The following GIMD1 variants were observed in gnomAD, a reference collection of about 807,000 sequenced individuals.
GIMD1 encodes the protein GTPase IMAP family member GIMD1.
A neutral mutation model predicts 14.9 loss-of-function variants in GIMD1; 14 were observed. The observed-to-expected ratio is 0.94, with a 90% CI of 0.62 to 1.47. The LOEUF is 1.47. Among genes scored for constraint, GIMD1 ranks in the 40% most tolerant of loss-of-function variants. The pLI is 0.00. For synonymous variants in GIMD1, 91 were observed against 90.5 expected (o/e 1.01, Z -0.03); for missense variants, 272 against 255.3 (o/e 1.07, Z -0.44).
rs1240174487 is a variant in GIMD1, at chr4:106,363,885, G to A, written c.393+3158C>T. Among the ~76,000 whole-genome samples the A allele has an allele frequency of 2.3e-4, 10 of 43,616 alleles. No individual in the cohort carries two copies. In the South Asian group the frequency reaches 2.7e-3, roughly 12 times the overall value. 28.6% of individuals were successfully genotyped at this position (43,616 alleles called of 152,430 possible). A position where few individuals can be genotyped will look rare whatever the true frequency, so the allele number is the denominator to read the frequency against. On this transcript the variant is annotated intron_variant, in intron 2 of 2. Transcript: ENST00000638719. ...AGTAATAATACAGAATACCATAATGGGGGGGGGGGGGCGGAAATGGACCAT... is the reference window on the plus strand; with the variant it reads ...AGTAATAATACAGAATACCATAATGAGGGGGGGGGGGCGGAAATGGACCAT...
chr4:106,362,769 A>G (rs1357787638), intron 2 of GIMD1, among the ~76,000 whole-genome samples: 1 of 152,120 alleles, frequency 6.6e-6, no homozygotes, highest in Non-Finnish European at 1.5e-5. Flanking sequence ...TCTCACCCCA[A>G]TTAAAACATT....
intron 2 of GIMD1, among the ~76,000 whole-genome samples, chr4:106,365,129 AT>A (rs1313530849): frequency 6.6e-6 from 1 of 152,172 alleles, no homozygotes; most frequent in Non-Finnish European, 1.5e-5. Flanking sequence ...CTGTCTAAAG[AT>A]TATACTGGTG....
intron 2 of GIMD1, among the ~76,000 whole-genome samples, chr4:106,364,892 C>T (rs1264935828): frequency 6.6e-6 from 1 of 152,008 alleles, no homozygotes; most frequent in Non-Finnish European, 1.5e-5. Context: ...CATTATTGTC[C>T]CATATGCTAA....
At chr4:106,367,999 C>T (rs1770730222) in intron 1 of GIMD1, among the ~76,000 whole-genome samples, 2 of 152,236 alleles carry the variant, frequency 1.3e-5, no homozygotes, top group Non-Finnish European at 2.9e-5. Context: ...TGCTTCTTTC[C>T]TATGAAATAT....
chr4:106,367,525 A>G (rs1422906626), intron 1 of GIMD1, 88 bp from the exon 2 acceptor site: 8 of 1,264,880 alleles, frequency 6.3e-6, no homozygotes, highest in Non-Finnish European at 8.5e-6. Context: ...TTGCACTCCA[A>G]GTACGATTTT....
At chr4:106,364,266 G>A (rs1025287096) in intron 2 of GIMD1, among the ~76,000 whole-genome samples, 9 of 152,152 alleles carry the variant, frequency 5.9e-5, no homozygotes, top group African/African-American at 2.2e-4. Context: ...TGGGAAAGAA[G>A]AAGCTACTTC....
In GIMD1 at chr4:106,357,490, A is replaced by G. The variant is rs1192455130; in HGVS notation, c.*693T>C. 1 of 152,104 alleles carries G rather than the reference A, an allele frequency of 6.6e-6. No individual in the cohort carries two copies. Among genetic ancestry groups the G allele is most frequent in the Non-Finnish European group, 1.5e-5 (1 of 68,014 alleles). The allele number at this position is 152,104 out of a possible 1,614,324, so 9.4% of individuals were successfully genotyped here. ...AAGTGTTTGTTGTTGCATTTTCACAAAGTGAACAAATCCTGTGAAACCAGG... is the reference window on the plus strand; with the variant it reads ...AAGTGTTTGTTGTTGCATTTTCACAGAGTGAACAAATCCTGTGAAACCAGG... On this transcript the variant is annotated 3_prime_UTR_variant, in exon 3 of 3. Coordinates refer to ENST00000638719, the MANE Select transcript of GIMD1 (RefSeq NM_001195138.2).
chr4:106,363,026 T>A (rs1770637868), intron 2 of GIMD1, among the ~76,000 whole-genome samples: 1 of 152,102 alleles, frequency 6.6e-6, no homozygotes, highest in Admixed American at 6.6e-5. Context: ...ACTAAGCCAG[T>A]GAAGATTTTT....
intron 2 of GIMD1, among the ~76,000 whole-genome samples, chr4:106,362,934 A>G (rs1770636370): frequency 1.3e-5 from 2 of 152,056 alleles, no homozygotes; most frequent in African/African-American, 4.8e-5. Context: ...CCAAAGTCAT[A>G]TGGCTGATTA....
At position 106,358,549 on chromosome 4, in the gene GIMD1, T is replaced by G. The variant is rs944137229; in HGVS notation, c.394-106A>C. 7 of 822,376 alleles carry G rather than the reference T, an allele frequency of 8.5e-6. No homozygotes were observed. In the African/African-American group the frequency reaches 1.2e-4, roughly 14 times the overall value. The allele number at this position is 822,376 out of a possible 1,614,324, so 50.9% of individuals were successfully genotyped here. A position where few individuals can be genotyped will look rare whatever the true frequency, so the allele number is the denominator to read the frequency against. ...TAGATAGCCAGCAGATCCATATTAT[T>G]ATGTTTCTGAAAGCTGATATACAAT... On this transcript the variant is annotated intron_variant, in intron 2 of 2. Transcript: ENST00000638719.
Position 106,358,121 on chromosome 4 carries a change from G to C in GIMD1, c.*62C>G, listed in dbSNP as rs2125933243. ...ATGGTCCACATTCATGTCAATAAAG[G>C]CATTCTTTGTAGCTAGGTTTCTGAC... is the stretch of plus-strand genomic sequence containing the variant. On this transcript the variant is annotated 3_prime_UTR_variant, in exon 3 of 3. Coordinates refer to ENST00000638719, the MANE Select transcript of GIMD1 (RefSeq NM_001195138.2). The C allele has an allele frequency of 9.1e-7, 1 of 1,100,566 alleles. No homozygotes were observed. The highest frequency in any genetic ancestry group is 1.3e-6 in the Non-Finnish European group (1 of 796,852). 68.2% of individuals were successfully genotyped at this position (1,100,566 alleles called of 1,614,324 possible).
chr4:106,358,466 C>T, intron 2 of GIMD1, 23 bp from the exon 3 acceptor site: 2 of 1,485,890 alleles, frequency 1.3e-6, no homozygotes, highest in Non-Finnish European at 1.8e-6. Flanking sequence ...AGTTAGATAA[C>T]TATTGAACTT....
chr4:106,360,563 ATTGCATCC>A (rs1770597312), intron 2 of GIMD1, among the ~76,000 whole-genome samples: 1 of 151,930 alleles, frequency 6.6e-6, no homozygotes, highest in Non-Finnish European at 1.5e-5. Context: ...TATGGGTTGA[ATTGCATCC>A]TCCGCCAAAC....
At chr4:106,363,464 T>C (rs1430235167) in intron 2 of GIMD1, among the ~76,000 whole-genome samples, 1 of 152,192 alleles carries the variant, frequency 6.6e-6, no homozygotes, top group East Asian at 1.9e-4. Context: ...TGAGTACTCA[T>C]TCACAATCTC....
At position 106,358,587 on chromosome 4, in the gene GIMD1, G is replaced by A. The variant is rs1309166067; in HGVS notation, c.394-144C>T. 21 of 605,074 alleles carry A rather than the reference G, an allele frequency of 3.5e-5. No homozygotes were observed. In the Admixed American group the frequency reaches 7.4e-4, roughly 21 times the overall value. The allele number at this position is 605,074 out of a possible 1,614,324, so 37.5% of individuals were successfully genotyped here. ...GCTGATATACAATGTAGGAAATGAAGACAGGGTCAAGTATTTTAAGTAAAT... is the reference window on the plus strand; with the variant it reads ...GCTGATATACAATGTAGGAAATGAAAACAGGGTCAAGTATTTTAAGTAAAT... On this transcript the variant is annotated intron_variant, in intron 2 of 2. Coordinates refer to ENST00000638719, the MANE Select transcript of GIMD1 (RefSeq NM_001195138.2).
chr4:106,362,940 G>C (rs1233065303), intron 2 of GIMD1, among the ~76,000 whole-genome samples: 1 of 152,040 alleles, frequency 6.6e-6, no homozygotes. Flanking sequence ...TCATATGGCT[G>C]ATTATTGACA....
Position 106,367,382 on chromosome 4 carries a change from C to G in GIMD1, c.54G>C (p.Gln18His). The G allele has an allele frequency of 6.5e-7, 1 of 1,535,810 alleles. No homozygotes were observed. The highest frequency in any genetic ancestry group is 2.4e-5 in the East Asian group (1 of 40,904). Residue 18 changes from glutamine (Q) to histidine (H), a missense_variant, in exon 2 of 3, where the codon CAG becomes CAC. By Grantham distance (24) the Gln-to-His change is conservative. Transcript: ENST00000638719. ...TGTTTCCAGCAGAACTTTTTCCACT[C>G]TGAGTCATGCCAAAGAGGGCCAAGT... ...IINLALFGMT[Q>H]SGKSSAGNIL...
intron 2 of GIMD1, among the ~76,000 whole-genome samples, chr4:106,363,728 CA>C (rs1197484601): frequency 2.6e-5 from 4 of 151,962 alleles, no homozygotes; most frequent in Non-Finnish European, 5.9e-5. Context: ...ACTAAGCCCA[CA>C]ATCTTCATTT....
chr4:106,358,184 TA>T lies in GIMD1; in HGVS notation c.652del (p.Ter218LysfsTer3), dbSNP rs1239144760. 1 of 1,473,080 alleles carries T rather than the reference TA, an allele frequency of 6.8e-7. No homozygotes were observed. Among genetic ancestry groups the T allele is most frequent in the Admixed American group, 2.4e-5 (1 of 40,984 alleles). The allele number at this position is 1,473,080 out of a possible 1,614,324, so 91.3% of individuals were successfully genotyped here. On this transcript the variant is annotated frameshift_variant and stop_lost, in exon 3 of 3. Transcript: ENST00000638719. LOFTEE classifies it high-confidence loss of function. ...ENCYQVLTFK[*>X] ...TGCTCCTTTCCTTTCACCTAAATTT[TA>T]TTTAAATGTAAGAACTTGGTAACAG...
Sources: gnomAD v4.1 joint callset for allele counts (sites outside exome capture counted in the v4.1 genomes callset) on GRCh38, gnomAD v4.1.1 for gene constraint, MANE v1.5 for transcripts, NCBI Gene and HGNC (gene_info 2026-07-23, HGNC 2026-07-21) for gene names.